Variants in CFAP92 observed in about 807,000 individuals in gnomAD.
CFAP92 encodes uncharacterized protein CFAP92.
A neutral mutation model predicts 106.3 loss-of-function variants in CFAP92; 86 were observed. That is an observed-to-expected ratio of 0.81 (90% CI 0.68 to 0.97). The LOEUF is 0.97. Among genes scored for constraint, CFAP92 ranks in the 50% least tolerant of loss-of-function variants. The pLI is 0.00. For missense variants in CFAP92, 1,204 were observed against 1,283.8 expected (o/e 0.94, Z 0.95); for synonymous variants, 477 against 506.4 (o/e 0.94, Z 0.78).
In CFAP92 at chr3:128,965,710, C is replaced by T; in HGVS notation, c.1169-15G>A. Reference sequence around the variant, plus strand: ...AGTTTGCCATCCTGGGGGAAATACACCCAGCATTAGACCTTTCCTCCCGAC... The same window carrying T: ...AGTTTGCCATCCTGGGGGAAATACATCCAGCATTAGACCTTTCCTCCCGAC... On this transcript the variant is annotated splice_polypyrimidine_tract_variant and intron_variant, in intron 8 of 15. Transcript: ENST00000645291. The T allele has an allele frequency of 2.5e-6, 1 of 398,650 alleles. No individual in the cohort carries two copies. The highest frequency in any genetic ancestry group is 4.4e-6 in the Non-Finnish European group (1 of 226,016). The allele number at this position is 398,650 out of a possible 1,614,324, so 24.7% of individuals were successfully genotyped here. A position where few individuals can be genotyped will look rare whatever the true frequency, so the allele number is the denominator to read the frequency against.
chr3:129,002,412 A>G, intron 1 of CFAP92: 1 of 1,431,840 alleles, frequency 7.0e-7, no homozygotes, highest in Non-Finnish European at 9.1e-7. Context: ...GACAGGACAG[A>G]GTCAGAGGAA....
rs1203135503 is a variant in CFAP92 at position 128,916,130 on chromosome 3, C to A, written c.2893G>T (p.Glu965Ter). 1 of 1,232,104 alleles carries A rather than the reference C, an allele frequency of 8.1e-7. No individual in the cohort carries two copies. The highest frequency in any genetic ancestry group is 1.6e-5 in the African/African-American group (1 of 64,424). 76.3% of individuals were successfully genotyped at this position (1,232,104 alleles called of 1,614,324 possible). A position where few individuals can be genotyped will look rare whatever the true frequency, so the allele number is the denominator to read the frequency against. ...TMNSTELAKKELYQEIAKEPR... is the reference protein window; with the variant it reads ...TMNSTELAKK ...ACCTTGGCTATCTCTTGATACAGCT[C>A]CTTCTTGGCAAGCTCTGTAGAATTC... The change falls in exon 13 of 16, where the codon GAG becomes TAG. Residue 965 changes from glutamate to a stop codon, truncating the protein, a stop_gained. Coordinates refer to ENST00000645291, the MANE Select transcript of CFAP92 (RefSeq NM_001394090.1). LOFTEE classifies it high-confidence loss of function.
intron 9 of CFAP92, among the ~76,000 whole-genome samples, chr3:128,962,185 A>T (rs1941980840): frequency 6.6e-6 from 1 of 152,098 alleles, no homozygotes; most frequent in African/African-American, 2.4e-5. Context: ...ATGCTGCCCG[A>T]TCGCCTCGGA....
intron 12 of CFAP92, among the ~76,000 whole-genome samples, chr3:128,931,527 GTATA>G (rs57453990): frequency 1.8e-4 from 21 of 117,500 alleles, no homozygotes; most frequent in Non-Finnish European, 3.1e-4. Context: ...GTATGTATGT[GTATA>G]TATATATATA....
At chr3:129,017,512 T>G in the CFAP92 span, among the ~76,000 whole-genome samples, 1 of 152,162 alleles carries the variant, frequency 6.6e-6, no homozygotes, top group Non-Finnish European at 1.5e-5. Flanking sequence ...CCCGTTCCAG[T>G]GTTGGCAGAA....
chr3:128,918,887 CTAACCTAACAGTAAT>C (rs908847790), intron 12 of CFAP92, among the ~76,000 whole-genome samples: 4 of 151,136 alleles, frequency 2.6e-5, no homozygotes, highest in African/African-American at 9.7e-5. Flanking sequence ...GCAAAAATGC[CTAACCTAACAGTAAT>C]TAATGTTAAG....
At chr3:129,008,292 T>G in the CFAP92 span, among the ~76,000 whole-genome samples, 2 of 152,236 alleles carry the variant, frequency 1.3e-5, no homozygotes, top group African/African-American at 2.4e-5. Context: ...AGTCTCCTTC[T>G]GTAACTCACT....
At chr3:128,945,026 C>A in intron 10 of CFAP92, 45 bp downstream of exon 10, 1 of 1,453,418 alleles carries the variant, frequency 6.9e-7, no homozygotes. Context: ...CCCTCGGCAT[C>A]CAGATGCCAT....
intron 11 of CFAP92, 62 bp downstream of exon 11, chr3:128,935,063 G>A: frequency 1.5e-6 from 2 of 1,337,596 alleles, no homozygotes; most frequent in Non-Finnish European, 9.9e-7. Context: ...TTTGGGTGCA[G>A]AGTGTTAAGA....
Position 128,945,504 on chromosome 3 carries a change from C to A in CFAP92, c.1825G>T (p.Gly609Trp), listed in dbSNP as rs1193474583. 2.0e-6 allele frequency: 3 copies of A among 1,536,148 alleles called. No homozygotes were observed. The South Asian group carries it at 3.6e-5, about 18-fold the overall frequency. The change falls in exon 10 of 16, where the codon GGG becomes TGG. Residue 609 changes from glycine to tryptophan, a missense_variant. Coordinates refer to ENST00000645291, the MANE Select transcript of CFAP92 (RefSeq NM_001394090.1). ...TGCTGGTGGCCATCTCTGGGGACCCCAAGCCCCACAACCTTCCTTCTCCTG... is the reference window on the plus strand; with the variant it reads ...TGCTGGTGGCCATCTCTGGGGACCCAAAGCCCCACAACCTTCCTTCTCCTG... ...DSRRRKVVGL[G>W]VPRDGHQHGP...
At chr3:128,956,355 G>C (rs1343199458) in intron 9 of CFAP92, among the ~76,000 whole-genome samples, 1 of 151,784 alleles carries the variant, frequency 6.6e-6, no homozygotes, top group Non-Finnish European at 1.5e-5. Context: ...CATGTCATTG[G>C]AGTTTCAGAA....
chr3:129,002,164 C>T (rs563646191), intron 1 of CFAP92: 9 of 1,472,192 alleles, frequency 6.1e-6, no homozygotes, highest in African/African-American at 4.4e-5. Flanking sequence ...CTGCGCCGTC[C>T]GCGCCGCCGC....
intron 9 of CFAP92, among the ~76,000 whole-genome samples, chr3:128,952,136 C>CTT (rs35117405): frequency 0.041 from 5,658 of 139,282 alleles, 164 homozygotes; most frequent in Non-Finnish European, 0.062. Context: ...TCTTCTTCTT[C>CTT]TTTTTTTTTT....
At chr3:128,912,367 G>T in intron 15 of CFAP92, 2 of 715,774 alleles carry the variant, frequency 2.8e-6, no homozygotes, top group East Asian at 5.4e-5. Context: ...TCACTTGCTG[G>T]GGGTCTGGAG....
intron 9 of CFAP92, among the ~76,000 whole-genome samples, chr3:128,948,793 G>T (rs1174706503): frequency 1.4e-5 from 2 of 147,596 alleles, no homozygotes; most frequent in Non-Finnish European, 3.0e-5. Context: ...GCCTCCCAAA[G>T]TGTTGGGATT....
the CFAP92 span, among the ~76,000 whole-genome samples, chr3:129,021,426 G>A: frequency 6.6e-6 from 1 of 152,176 alleles, no homozygotes; most frequent in Non-Finnish European, 1.5e-5. Flanking sequence ...TGGTGCTTAA[G>A]CTGCTGGCAG....
At chr3:128,999,232 C>T (rs1039872472) in intron 1 of CFAP92, among the ~76,000 whole-genome samples, 1 of 152,162 alleles carries the variant, frequency 6.6e-6, no homozygotes, top group Non-Finnish European at 1.5e-5. Context: ...GAACCTTAAA[C>T]AAAAACCTTG....
At chr3:128,965,308 C>T (rs1242102719) in intron 9 of CFAP92, among the ~76,000 whole-genome samples, 3 of 152,284 alleles carry the variant, frequency 2.0e-5, no homozygotes, top group Admixed American at 6.5e-5. Flanking sequence ...ACTCTCTTTT[C>T]GGACTCAGCC....
intron 12 of CFAP92, among the ~76,000 whole-genome samples, chr3:128,921,962 T>C (rs1937327189): frequency 6.6e-6 from 1 of 151,994 alleles, no homozygotes. Flanking sequence ...TCAGGAACAG[T>C]TGGTCTGTTA....
Sources: gnomAD v4.1 joint callset for allele counts (sites outside exome capture counted in the v4.1 genomes callset) on GRCh38, gnomAD v4.1.1 for gene constraint, MANE v1.5 for transcripts, NCBI Gene and HGNC (gene_info 2026-07-23, HGNC 2026-07-21) for gene names.